DSCAM: variants seen among roughly 807,000 people sequenced by gnomAD.
The protein encoded by DSCAM is cell adhesion molecule DSCAM.
Under a neutral mutation model 217.7 loss-of-function variants are expected in DSCAM, and 47 were observed. The ratio of observed to expected loss-of-function variants is 0.22; its 90% CI spans 0.17 to 0.28. The LOEUF is 0.28. DSCAM is among the 10% of genes least tolerant of loss of function. The probability of loss-of-function intolerance (pLI) is 1.00; values close to 1 mark genes in which losing one functional copy is unlikely to be tolerated. For synonymous variants in DSCAM, 1,056 were observed against 1,015.3 expected (o/e 1.04, Z -0.76); for missense variants, 2,080 against 2,618.3 (o/e 0.79, Z 4.49).
chr21:40,532,880 G>A (rs2076459407), intron 3 of DSCAM, among the ~76,000 whole-genome samples: 1 of 116,452 alleles, frequency 8.6e-6, no homozygotes, highest in Admixed American at 8.0e-5. Context: ...GTGTGTGTGT[G>A]TGTGTGTGTG....
Position 40,052,063 on chromosome 21 carries a change from C to T in DSCAM, c.5080G>A (p.Ala1694Thr). Residue 1694 changes from alanine to threonine, a missense_variant, in exon 30 of 33, where the codon GCA (alanine) becomes ACA (threonine). Physicochemically the swap from Ala to Thr is moderately conservative, Grantham distance 58. Coordinates refer to ENST00000400454, the MANE Select transcript of DSCAM (RefSeq NM_001389.5). ...VLLTDADFGE[A>T]AKQKSLTVTH... ...ACCGTCAGGGACTTCTGCTTAGCTGCCTCTCCAAAGTCAGCATCCGTCAAC... is the reference window on the plus strand; with the variant it reads ...ACCGTCAGGGACTTCTGCTTAGCTGTCTCTCCAAAGTCAGCATCCGTCAAC... The T allele has an allele frequency of 8.1e-6, 13 of 1,614,116 alleles. No homozygotes were observed. The highest frequency in any genetic ancestry group is 1.1e-5 in the Non-Finnish European group (13 of 1,180,020).
intron 20 of DSCAM, among the ~76,000 whole-genome samples, chr21:40,117,742 T>C (rs780513867): frequency 6.6e-6 from 1 of 152,154 alleles, no homozygotes; most frequent in Non-Finnish European, 1.5e-5. Context: ...TTTCGTGGCG[T>C]GATTATAACT....
At chr21:40,202,874 T>A (rs567479908) in intron 11 of DSCAM, among the ~76,000 whole-genome samples, 1 of 152,344 alleles carries the variant, frequency 6.6e-6, no homozygotes, top group South Asian at 2.1e-4. Flanking sequence ...CTGGATTGTA[T>A]CATTTATTTC....
intron 3 of DSCAM, among the ~76,000 whole-genome samples, chr21:40,504,487 C>T (rs2056845): frequency 0.58 from 88,018 of 152,086 alleles, 25,800 homozygotes; most frequent in African/African-American, 0.66. Context: ...CTGTGGTTAG[C>T]GGGCATTACA....
intron 1 of DSCAM, among the ~76,000 whole-genome samples, chr21:40,754,554 C>T (rs1028625233): frequency 3.3e-5 from 5 of 152,228 alleles, no homozygotes; most frequent in Non-Finnish European, 4.4e-5. Context: ...CTCAGTTACT[C>T]TTCCTGAAAG....
At chr21:40,142,481 A>G in intron 18 of DSCAM, 77 bp downstream of exon 18, 1 of 1,524,578 alleles carries the variant, frequency 6.6e-7, no homozygotes, top group Admixed American at 1.8e-5. Flanking sequence ...GCCCCTTGTT[A>G]GGAACTAGGA....
intron 3 of DSCAM, among the ~76,000 whole-genome samples, chr21:40,392,376 C>T (rs1001718727): frequency 1.3e-5 from 2 of 151,956 alleles, no homozygotes; most frequent in Non-Finnish European, 2.9e-5. Context: ...ATCAGAGGTT[C>T]ATCTATAGGC....
At chr21:40,755,436 G>C (rs1173510804) in intron 1 of DSCAM, among the ~76,000 whole-genome samples, 4 of 148,632 alleles carry the variant, frequency 2.7e-5, no homozygotes, top group Non-Finnish European at 5.9e-5. Flanking sequence ...ACATAAAAAG[G>C]CTCTGTCCCC....
intron 3 of DSCAM, among the ~76,000 whole-genome samples, chr21:40,559,247 AG>A (rs949914188): frequency 7.2e-5 from 11 of 152,102 alleles, no homozygotes; most frequent in African/African-American, 2.7e-4. Flanking sequence ...TCACGAGGGC[AG>A]GAGATTGAGA....
chr21:40,261,688 T>C (rs972376188), intron 11 of DSCAM, among the ~76,000 whole-genome samples: 7 of 126,720 alleles, frequency 5.5e-5, no homozygotes, highest in South Asian at 2.6e-4. Flanking sequence ...CACACACACA[T>C]TCTTATATAA....
At chr21:40,257,471 C>CACACACACACACAT (rs2073389131) in intron 11 of DSCAM, among the ~76,000 whole-genome samples, 1 of 124,630 alleles carries the variant, frequency 8.0e-6, no homozygotes, top group African/African-American at 4.1e-5. Context: ...ATTTGCTGAA[C>CACACACACACACAT]ACACACACAC....
chr21:40,293,368 G>A lies in DSCAM; in HGVS notation c.2182+2687C>T, dbSNP rs114396970. 6.9e-3 allele frequency among the ~76,000 whole-genome samples: 1,046 copies of A among 152,190 alleles called. 14 individuals carry two copies. Among genetic ancestry groups the A allele is most frequent in the African/African-American group, 0.024 (985 of 41,540 alleles). ...TTGACACTATAGCTTGGTGGCCATC[G>A]TTTGAGGATGAAGAATGCTGCTAGG... On this transcript the variant is annotated intron_variant, in intron 10 of 32. Coordinates refer to ENST00000400454, the MANE Select transcript of DSCAM (RefSeq NM_001389.5).
intron 1 of DSCAM, among the ~76,000 whole-genome samples, chr21:40,711,441 G>A (rs1372488597): frequency 6.6e-6 from 1 of 152,214 alleles, no homozygotes; most frequent in Non-Finnish European, 1.5e-5. Flanking sequence ...CACTAAATGT[G>A]AGGGTAGCGG....
At chr21:40,728,203 A>G (rs1344087203) in intron 1 of DSCAM, among the ~76,000 whole-genome samples, 1 of 152,096 alleles carries the variant, frequency 6.6e-6, no homozygotes, top group Non-Finnish European at 1.5e-5. Flanking sequence ...CTCTAAACCT[A>G]TCCTAAAATT....
chr21:40,844,088 G>C (rs2092125157), intron 1 of DSCAM, among the ~76,000 whole-genome samples: 1 of 152,066 alleles, frequency 6.6e-6, no homozygotes, highest in African/African-American at 2.4e-5. Flanking sequence ...ATTTTTCAAA[G>C]TTGAGGTATA....
intron 3 of DSCAM, among the ~76,000 whole-genome samples, chr21:40,392,377 A>G (rs1049235647): frequency 6.6e-6 from 1 of 152,184 alleles, no homozygotes; most frequent in South Asian, 2.1e-4. Context: ...TCAGAGGTTC[A>G]TCTATAGGCC....
chr21:40,489,343 G>T (rs2146006798), intron 3 of DSCAM, among the ~76,000 whole-genome samples: 1 of 152,138 alleles, frequency 6.6e-6, no homozygotes, highest in Non-Finnish European at 1.5e-5. Flanking sequence ...TTCCTTCCTG[G>T]GTCCCCTGCT....
At chr21:40,066,512 T>C (rs1200948602) in intron 27 of DSCAM, among the ~76,000 whole-genome samples, 2 of 152,234 alleles carry the variant, frequency 1.3e-5, no homozygotes, top group African/African-American at 4.8e-5. Flanking sequence ...TTTATTTCTC[T>C]ATAAAATGAG....
intron 3 of DSCAM, among the ~76,000 whole-genome samples, chr21:40,682,550 G>C (rs1003258777): frequency 9.2e-6 from 1 of 108,204 alleles, no homozygotes; most frequent in Non-Finnish European, 2.0e-5. Context: ...AAGAAAGAAA[G>C]AAAAGGAAGG....
Sources: gnomAD v4.1 joint callset for allele counts (sites outside exome capture counted in the v4.1 genomes callset) on GRCh38, gnomAD v4.1.1 for gene constraint, MANE v1.5 for transcripts, NCBI Gene and HGNC (gene_info 2026-07-23, HGNC 2026-07-21) for gene names.